Variants in TUBGCP5 observed in about 807,000 individuals in gnomAD.
The protein encoded by TUBGCP5 is tubulin gamma complex component 5.
A neutral mutation model predicts 134.7 loss-of-function variants in TUBGCP5; 98 were observed. That is an observed-to-expected ratio of 0.73 (90% CI 0.62 to 0.86). TUBGCP5 has a LOEUF of 0.86. Ranked by LOEUF, TUBGCP5 falls within the 40% of genes least tolerant of loss-of-function variation. TUBGCP5 has a pLI of 0.00. For missense variants in TUBGCP5, 1,150 were observed against 1,244.8 expected, an observed-to-expected ratio of 0.92 and a Z score of 1.15; for synonymous variants, 456 against 431.4, an observed-to-expected ratio of 1.06 and a Z score of -0.71.
Position 23,039,536 on chromosome 15 carries a change from C to T in TUBGCP5, c.8G>A (p.Arg3Gln). 2 of 1,472,576 alleles carry T rather than the reference C, an allele frequency of 1.4e-6. No individual in the cohort carries two copies. Among genetic ancestry groups the T allele is most frequent in the Non-Finnish European group, 1.8e-6 (2 of 1,099,334 alleles). The allele number at this position is 1,472,576 out of a possible 1,614,324, so 91.2% of individuals were successfully genotyped here. Residue 3 changes from arginine to glutamine, a missense_variant, in exon 1 of 23, where the codon CGG becomes CAG. Arg to Gln is a conservative substitution (Grantham distance 43). This residue lies in a region of TUBGCP5 where 453 missense variants were observed against 394.7 expected (regional missense o/e 1.15). Transcript: ENST00000615383. Reference sequence around the variant, plus strand: ...CAACCGACTCCACGGTGGCCCGTGCCGCGCCATGTTCCGCGCTCCTGCAGC... The same window carrying T: ...CAACCGACTCCACGGTGGCCCGTGCTGCGCCATGTTCCGCGCTCCTGCAGC... MA[R>Q]HGPPWSRLDA...
At chr15:23,009,429 C>G (rs992355454) in intron 15 of TUBGCP5, among the ~76,000 whole-genome samples, 1 of 151,898 alleles carries the variant, frequency 6.6e-6, no homozygotes, top group Admixed American at 6.6e-5. Context: ...GCACCACGCC[C>G]GGCGAATTTT....
At chr15:23,027,149 G>A in intron 7 of TUBGCP5, 43 bp downstream of exon 7, 2 of 1,436,076 alleles carry the variant, frequency 1.4e-6, no homozygotes, top group Non-Finnish European at 1.9e-6. Flanking sequence ...AAACATCAAA[G>A]TTTCTTCTAT....
At chr15:23,016,877 AC>A (rs991205189) in intron 13 of TUBGCP5, among the ~76,000 whole-genome samples, 1 of 150,070 alleles carries the variant, frequency 6.7e-6, no homozygotes, top group Non-Finnish European at 1.5e-5. Flanking sequence ...AGACATCCGC[AC>A]CCCCATGTTT....
intron 5 of TUBGCP5, 85 bp downstream of exon 5, chr15:23,031,865 G>T: frequency 2.0e-6 from 2 of 991,418 alleles, no homozygotes; most frequent in South Asian, 1.7e-5. Context: ...TAGCTAAGTT[G>T]ACCTAGGGTG....
At chr15:23,024,671 C>T in intron 9 of TUBGCP5, 66 bp downstream of exon 9, 1 of 877,674 alleles carries the variant, frequency 1.1e-6, no homozygotes, top group Non-Finnish European at 1.7e-6. Flanking sequence ...GTAAAATGTT[C>T]TAAAATTATA....
Position 23,026,179 on chromosome 15 carries a change from G to C in TUBGCP5, c.764C>G (p.Pro255Arg), listed in dbSNP as rs1408954317. Residue 255 changes from proline (P) to arginine (R), a missense_variant, in exon 8 of 23, where the codon CCA (proline) becomes CGA (arginine). Pro to Arg is a moderately radical substitution (Grantham distance 103, BLOSUM62 -2). Coordinates refer to ENST00000615383, the MANE Select transcript of TUBGCP5 (RefSeq NM_052903.6). Reference protein sequence around the residue: ...VWDQHLYSSDPLYVPDDRVLV... With the variant: ...VWDQHLYSSDRLYVPDDRVLV... The stretch of plus-strand genomic sequence containing the variant: ...AACCCTGTCATCTGGAACATACAAT[G>C]GATCACTGCTGTACAAGTGTTGGTC... 16 of 1,612,422 alleles carry C rather than the reference G, an allele frequency of 9.9e-6. No homozygotes were observed. The highest frequency in any genetic ancestry group is 1.4e-5 in the Non-Finnish European group (16 of 1,179,540).
rs188359821 is a variant in TUBGCP5 at position 22,986,002 on chromosome 15, C to T, written c.*62-2391G>A. On this transcript the variant is annotated intron_variant and NMD_transcript_variant, in intron 23 of 23. Coordinates refer to the TUBGCP5 transcript ENST00000614508. Reference sequence around the variant, plus strand: ...CAAAAAAATTAGCTGGGTGTGGTGGCGAGTGCCTGTAGTCCCAGCTACTCA... The same window carrying T: ...CAAAAAAATTAGCTGGGTGTGGTGGTGAGTGCCTGTAGTCCCAGCTACTCA... Among the ~76,000 whole-genome samples, 19 of 148,846 alleles carry T rather than the reference C, an allele frequency of 1.3e-4. No individual in the cohort carries two copies. The South Asian group carries it at 3.4e-3, about 27-fold the overall frequency.
chr15:23,017,720 G>A, intron 13 of TUBGCP5, 53 bp downstream of exon 13: 2 of 1,542,406 alleles, frequency 1.3e-6, no homozygotes, highest in Non-Finnish European at 1.8e-6. Context: ...ACAAGAGCGA[G>A]TAGGGTCAGG....
In TUBGCP5 at chr15:23,005,622, T is replaced by C. The variant is rs1317703761; in HGVS notation, c.2534-12A>G. On this transcript the variant is annotated splice_polypyrimidine_tract_variant and intron_variant, in intron 18 of 22. Coordinates refer to ENST00000615383, the MANE Select transcript of TUBGCP5 (RefSeq NM_052903.6). ...AGTACTAACCAGTTCTATAAAACAT[T>C]GGAAGAGCAAAGTGGACAGAAAGAG... is the stretch of plus-strand genomic sequence containing the variant. 9.3e-6 allele frequency: 15 copies of C among 1,608,076 alleles called. No individual in the cohort carries two copies. The highest frequency in any genetic ancestry group is 1.3e-5 in the Non-Finnish European group (15 of 1,176,098).
At chr15:22,992,911 A>T (rs1421859673) in intron 23 of TUBGCP5, among the ~76,000 whole-genome samples, 1 of 152,074 alleles carries the variant, frequency 6.6e-6, no homozygotes. Context: ...GGTATAGTAA[A>T]ATGTGAGAGG....
chr15:23,028,213 TA>T (rs1836924970), intron 6 of TUBGCP5, among the ~76,000 whole-genome samples: 1 of 151,698 alleles, frequency 6.6e-6, no homozygotes, highest in Non-Finnish European at 1.5e-5. Flanking sequence ...ACCTCATCTC[TA>T]CAAAAAAGTA....
At chr15:23,010,324 A>T (rs1472339774) in intron 14 of TUBGCP5, among the ~76,000 whole-genome samples, 191 bp from the exon 15 acceptor site, 1 of 152,240 alleles carries the variant, frequency 6.6e-6, no homozygotes, top group Non-Finnish European at 1.5e-5. Context: ...ACTTAGGGTC[A>T]GGTACTAGAG....
intron 6 of TUBGCP5, among the ~76,000 whole-genome samples, chr15:23,027,980 CCT>C (rs1228087023): frequency 1.3e-5 from 2 of 152,106 alleles, no homozygotes; most frequent in Non-Finnish European, 2.9e-5. Flanking sequence ...GATTAGATAA[CCT>C]CTATCTTATA....
In TUBGCP5 at chr15:23,026,215, A is replaced by G. The variant is rs1595890663; in HGVS notation, c.738-10T>C. ...GTACAAGTGTTGGTCCCTATGAGAC[A>G]GCAAACATAAATGTCAATAGAAAGG... On this transcript the variant is annotated splice_polypyrimidine_tract_variant and intron_variant, in intron 7 of 22. Coordinates refer to ENST00000615383, the MANE Select transcript of TUBGCP5 (RefSeq NM_052903.6). The G allele has an allele frequency of 1.9e-6, 3 of 1,609,428 alleles. No individual in the cohort carries two copies. Among genetic ancestry groups the G allele is most frequent in the Non-Finnish European group, 2.6e-6 (3 of 1,176,388 alleles).
chr15:23,030,600 T>TAAAAAAAAAAAA, intron 6 of TUBGCP5, among the ~76,000 whole-genome samples: 1 of 118,768 alleles, frequency 8.4e-6, no homozygotes. Context: ...CCTTCTCCAA[T>TAAAAAAAAAAAA]TAAAAAAAAA....
At chr15:23,007,598 T>A (rs912710469) in intron 16 of TUBGCP5, among the ~76,000 whole-genome samples, 1 of 152,044 alleles carries the variant, frequency 6.6e-6, no homozygotes, top group Non-Finnish European at 1.5e-5. Flanking sequence ...GCCGGGCCCA[T>A]GAACTGGAGA....
intron 23 of TUBGCP5, among the ~76,000 whole-genome samples, chr15:22,986,133 CAA>C (rs35699215): frequency 1.1e-4 from 12 of 114,094 alleles, no homozygotes; most frequent in Middle Eastern, 4.7e-3. Context: ...GACTCTGTCT[CAA>C]AAAAAAAAAA....
At chr15:23,018,738 CTG>C (rs951941543) in intron 12 of TUBGCP5, among the ~76,000 whole-genome samples, 29 of 152,140 alleles carry the variant, frequency 1.9e-4, no homozygotes, top group African/African-American at 6.5e-4. Context: ...AATCAATTAA[CTG>C]AAGGGAAATT....
chr15:22,998,175 C>T (rs1265219216), downstream of TUBGCP5, among the ~76,000 whole-genome samples: 3 of 151,808 alleles, frequency 2.0e-5, no homozygotes, highest in East Asian at 2.0e-4. Flanking sequence ...ATTAGCTGGG[C>T]GTGGTGGTGC....
Sources: gnomAD v4.1 joint callset for allele counts (sites outside exome capture counted in the v4.1 genomes callset) on GRCh38, gnomAD v4.1.1 for gene constraint, gnomAD v4.1.1 regional missense constraint, MANE v1.5 for transcripts, NCBI Gene and HGNC (gene_info 2026-07-23, HGNC 2026-07-21) for gene names.